LILRA1: variants seen among roughly 807,000 people sequenced by gnomAD.
LILRA1 encodes leukocyte immunoglobulin-like receptor subfamily A member 1.
A neutral mutation model predicts 51.6 loss-of-function variants in LILRA1; 51 were observed. The observed-to-expected ratio is 0.99, with a 90% CI of 0.79 to 1.25. The LOEUF is 1.25. LILRA1 is among the 50% of genes most tolerant of loss of function. The pLI is 0.00. For synonymous variants in LILRA1, 305 were observed against 248.4 expected (o/e 1.23, Z -2.14); for missense variants, 660 against 611.7 (o/e 1.08, Z -0.83).
At position 54,595,193 on chromosome 19, in the gene LILRA1, T is replaced by C. The variant is rs1600263126; in HGVS notation, c.452T>C (p.Phe151Ser). The C allele has an allele frequency of 1.9e-6, 3 of 1,614,088 alleles. No homozygotes were observed. The highest frequency in any genetic ancestry group is 2.5e-6 in the Non-Finnish European group (3 of 1,179,990). The change falls in exon 5 of 10, where the codon TTT (phenylalanine) becomes TCT (serine). Residue 151 changes from phenylalanine (F) to serine (S), a missense_variant. Physicochemically the swap from Phe to Ser is radical, Grantham distance 155. Transcript: ENST00000251372. ...CTCCATTGTGTCTCACAGGTGGCAT[T>C]TGGCAGCTTCATTCTGTGTAAGGAA... is the stretch of plus-strand genomic sequence containing the variant. ...VTLHCVSQVA[F>S]GSFILCKEGE... is the part of the protein sequence containing the mutation.
chr19:54,600,777 T>C lies in LILRA1; in HGVS notation c.1430T>C (p.Ile477Thr). The C allele has an allele frequency of 6.2e-7, 1 of 1,614,128 alleles. No individual in the cohort carries two copies. The highest frequency in any genetic ancestry group is 8.5e-7 in the Non-Finnish European group (1 of 1,180,026). Residue 477 changes from isoleucine (I) to threonine (T), a missense_variant, in exon 10 of 10, where the codon ATT becomes ACT. Transcript: ENST00000251372. ...IAGLVLVVLG[I>T]LLFEAQHSQR... ...GGCTTGGTCCTGGTGGTCCTCGGGATTCTGCTATTTGAGGCTCAGCACAGC... is the reference window on the plus strand; with the variant it reads ...GGCTTGGTCCTGGTGGTCCTCGGGACTCTGCTATTTGAGGCTCAGCACAGC...
chr19:54,594,959 T>G lies in LILRA1; in HGVS notation c.358+7T>G, dbSNP rs572195493. On this transcript the variant is annotated splice_region_variant and intron_variant, in intron 4 of 9. Transcript: ENST00000251372. ...CTGGAGCTGGTGGTGACAGGTGAGC[T>G]GACACTGAGGGCTCCCAGCCCCAGG... 1.5e-5 allele frequency: 24 copies of G among 1,613,660 alleles called. No individual in the cohort carries two copies. The highest frequency in any genetic ancestry group is 3.3e-5 in the Admixed American group (2 of 60,000).
Position 54,594,726 on chromosome 19 carries a change from C to G in LILRA1, c.132C>G (p.Pro44=), listed in dbSNP as rs757712125. The change falls in exon 4 of 10, where the codon CCC becomes CCG. Residue 44 remains proline (P), a synonymous_variant. Transcript: ENST00000251372. ...EPGSVITQGS[P]VTLWCQGILE... The stretch of plus-strand genomic sequence containing the variant: ...GCTCTGTGATCACCCAGGGGAGTCC[C>G]GTGACCCTCTGGTGTCAGGGGATCC... The G allele has an allele frequency of 6.9e-7, 1 of 1,446,334 alleles. No individual in the cohort carries two copies. Among genetic ancestry groups the G allele is most frequent in the Non-Finnish European group, 9.3e-7 (1 of 1,078,686 alleles). 89.6% of individuals were successfully genotyped at this position (1,446,334 alleles called of 1,614,324 possible).
rs149510720 is a variant in LILRA1, at chr19:54,596,194, T to A, written c.964T>A (p.Phe322Ile). ...DPLDILIAGQ[F>I]RGRPFISVHP... The stretch of plus-strand genomic sequence containing the variant: ...CCCATCCTTCTTCTCTCCAGGACAG[T>A]TCCGTGGCAGACCCTTCATCTCGGT... Residue 322 changes from phenylalanine (F) to isoleucine (I), a missense_variant, in exon 7 of 10, where the codon TTC becomes ATC. Transcript: ENST00000251372. 334 of 1,494,486 alleles carry A rather than the reference T, an allele frequency of 2.2e-4. 2 individuals carry two copies. The highest frequency in any genetic ancestry group is 2.1e-3 in the East Asian group (95 of 44,550). The allele number at this position is 1,494,486 out of a possible 1,614,324, so 92.6% of individuals were successfully genotyped here.
At position 54,596,189 on chromosome 19, in the gene LILRA1, G is replaced by T; in HGVS notation, c.959G>T (p.Gly320Val). The T allele has an allele frequency of 6.2e-7, 1 of 1,613,408 alleles. No individual in the cohort carries two copies. Among genetic ancestry groups the T allele is most frequent in the Non-Finnish European group, 8.5e-7 (1 of 1,179,556 alleles). ...TCTCACCCATCCTTCTTCTCTCCAG[G>T]ACAGTTCCGTGGCAGACCCTTCATC... is the stretch of plus-strand genomic sequence containing the variant. ...PSDPLDILIA[G>V]QFRGRPFISV... Residue 320 changes from glycine to valine, a missense_variant and splice_region_variant, in exon 7 of 10, where the codon GGA becomes GTA. By Grantham distance (109) the Gly-to-Val change is moderately radical. Coordinates refer to ENST00000251372, the MANE Select transcript of LILRA1 (RefSeq NM_006863.4).
At chr19:54,600,643 C>T (rs2146089614) in intron 9 of LILRA1, 56 bp from the exon 10 acceptor site, 1 of 1,612,030 alleles carries the variant, frequency 6.2e-7, no homozygotes, top group Non-Finnish European at 8.5e-7. Context: ...ATCCAGAGGT[C>T]CTGGGTGAAG....
In LILRA1 at chr19:54,594,819, G is replaced by A. The variant is rs1396798588; in HGVS notation, c.225G>A (p.Gln75=). The change falls in exon 4 of 10, where the codon CAG becomes CAA. Residue 75 remains glutamine (Q), a synonymous_variant. Coordinates refer to ENST00000251372, the MANE Select transcript of LILRA1 (RefSeq NM_006863.4). ...CACCCTGGATTACACGGATCCCACA[G>A]GAGATTGTGAAGAAGGGCCAGTTCC... is the stretch of plus-strand genomic sequence containing the variant. ...KTAPWITRIP[Q]EIVKKGQFPI... is the part of the protein sequence containing the mutation. 2.5e-6 allele frequency: 4 copies of A among 1,614,146 alleles called. No individual in the cohort carries two copies. Among genetic ancestry groups the A allele is most frequent in the Non-Finnish European group, 3.4e-6 (4 of 1,179,976 alleles).
chr19:54,598,909 C>T (rs781712888), intron 7 of LILRA1, among the ~76,000 whole-genome samples: 104 of 152,246 alleles, frequency 6.8e-4, no homozygotes, highest in Non-Finnish European at 1.2e-3. Context: ...AATTCTCCTG[C>T]CTCAGCCTCC....
Position 54,599,404 on chromosome 19 carries a change from A to T in LILRA1, c.1312+118A>T, listed in dbSNP as rs866692403. The T allele has an allele frequency of 2.2e-5, 31 of 1,386,266 alleles. No individual in the cohort carries two copies. In the African/African-American group the frequency reaches 3.4e-4, roughly 15 times the overall value. 85.9% of individuals were successfully genotyped at this position (1,386,266 alleles called of 1,614,324 possible). A position where few individuals can be genotyped will look rare whatever the true frequency, so the allele number is the denominator to read the frequency against. Reference sequence around the variant, plus strand: ...AATTACATTCATTCTAATTTAAAGAATTCTTCAACACCTTTAATGATTTAT... The same window carrying T: ...AATTACATTCATTCTAATTTAAAGATTTCTTCAACACCTTTAATGATTTAT... On this transcript the variant is annotated intron_variant, in intron 8 of 9. Coordinates refer to ENST00000251372, the MANE Select transcript of LILRA1 (RefSeq NM_006863.4).
At chr19:54,596,078 G>GGC in intron 6 of LILRA1, 111 bp from the exon 7 acceptor site, 2 of 739,532 alleles carry the variant, frequency 2.7e-6, no homozygotes, top group Non-Finnish European at 4.2e-6. Context: ...GCGGGGCGGG[G>GGC]AAGACTCAGA....
intron 9 of LILRA1, 26 bp downstream of exon 9, chr19:54,600,576 C>A (rs375962849): frequency 6.2e-7 from 1 of 1,613,802 alleles, no homozygotes; most frequent in Admixed American, 1.7e-5. Context: ...CTCTCGTTTA[C>A]GGTGCTGGGC....
At chr19:54,596,789 C>A (rs1356449573) in intron 7 of LILRA1, among the ~76,000 whole-genome samples, 1 of 152,038 alleles carries the variant, frequency 6.6e-6, no homozygotes, top group African/African-American at 2.4e-5. Flanking sequence ...ATGGCATGAA[C>A]CTGGGAGGCG....
At position 54,600,840 on chromosome 19, in the gene LILRA1, CAG is replaced by C; in HGVS notation, c.*29_*30del. 1.2e-6 allele frequency: 2 copies of C among 1,612,180 alleles called. No individual in the cohort carries two copies. The highest frequency in any genetic ancestry group is 1.7e-6 in the Non-Finnish European group (2 of 1,178,280). On this transcript the variant is annotated 3_prime_UTR_variant, in exon 10 of 10. Coordinates refer to ENST00000251372, the MANE Select transcript of LILRA1 (RefSeq NM_006863.4). ...TGAGATGCAGCCGGGAGGTGAACAG[CAG>C]AGAGAAGAATGTACCCTTCAGAGTG... is the stretch of plus-strand genomic sequence containing the variant.
rs753845738 is a variant in LILRA1, at chr19:54,595,299, C to T, written c.558C>T (p.Pro186=). Residue 186 remains proline (P), a synonymous_variant, in exon 5 of 10, where the codon CCC becomes CCT. Transcript: ENST00000251372. ...CCCGGGCCATCTTCTCTGTGGGCCC[C>T]GTGAGCCCGAGTCGCAGGTGGTCGT... is the stretch of plus-strand genomic sequence containing the variant. The part of the protein sequence containing the change: ...GWSRAIFSVG[P]VSPSRRWSYR... 1.9e-5 allele frequency: 30 copies of T among 1,613,974 alleles called. No individual in the cohort carries two copies. The highest frequency in any genetic ancestry group is 2.7e-5 in the African/African-American group (2 of 74,906).
chr19:54,600,125 A>T (rs2146087796), intron 8 of LILRA1, among the ~76,000 whole-genome samples: 1 of 152,186 alleles, frequency 6.6e-6, no homozygotes, highest in South Asian at 2.1e-4. Context: ...GCCCCTGCAG[A>T]CCAACCTCCC....
chr19:54,595,732 A>G lies in LILRA1; in HGVS notation c.755A>G (p.Tyr252Cys). ...CTCCAGTGTGTTTCTGATGTCAGCT[A>G]CGACAGATTTGTTCTGTATAAGGAG... ...LTLQCVSDVS[Y>C]DRFVLYKEGE... Residue 252 changes from tyrosine to cysteine, a missense_variant, in exon 6 of 10, where the codon TAC becomes TGC. By Grantham distance (194) the Tyr-to-Cys change is radical. Coordinates refer to ENST00000251372, the MANE Select transcript of LILRA1 (RefSeq NM_006863.4). 2.5e-6 allele frequency: 4 copies of G among 1,614,014 alleles called. No individual in the cohort carries two copies. The highest frequency in any genetic ancestry group is 3.4e-6 in the Non-Finnish European group (4 of 1,179,956).
Position 54,595,146 on chromosome 19 carries a change from G to A in LILRA1, c.405G>A (p.Val135=), listed in dbSNP as rs1260779642. The change falls in exon 5 of 10, where the codon GTG becomes GTA. Residue 135 remains valine, a synonymous_variant. Coordinates refer to ENST00000251372, the MANE Select transcript of LILRA1 (RefSeq NM_006863.4). Reference sequence around the variant, plus strand: ...TCTCAGCTCTACCCAGCCCTGTGGTGACCTCAGGAGGGAACGTGACCCTCC... The same window carrying A: ...TCTCAGCTCTACCCAGCCCTGTGGTAACCTCAGGAGGGAACGTGACCCTCC... The part of the protein sequence containing the change: ...PTLSALPSPV[V]TSGGNVTLHC... 1 of 1,614,106 alleles carries A rather than the reference G, an allele frequency of 6.2e-7. No homozygotes were observed. The highest frequency in any genetic ancestry group is 1.1e-5 in the South Asian group (1 of 91,086).
intron 4 of LILRA1, 34 bp from the exon 5 acceptor site, chr19:54,595,066 G>A: frequency 6.2e-7 from 1 of 1,604,166 alleles, no homozygotes; most frequent in Non-Finnish European, 8.5e-7. Flanking sequence ...GGAGGTGTGA[G>A]CCCCATTTAA....
rs369975962 is a variant in LILRA1 at position 54,595,851 on chromosome 19, G to C, written c.874G>C (p.Gly292Arg). 3 of 1,614,012 alleles carry C rather than the reference G, an allele frequency of 1.9e-6. No homozygotes were observed. In the Admixed American group the frequency reaches 5.0e-5, roughly 27 times the overall value. Residue 292 changes from glycine (G) to arginine (R), a missense_variant, in exon 6 of 10, where the codon GGG becomes CGG. By Grantham distance (125) the Gly-to-Arg change is moderately radical. Coordinates refer to ENST00000251372, the MANE Select transcript of LILRA1 (RefSeq NM_006863.4). ...FTLGPVSRSY[G>R]GQYRCSGAYN... ...CCTGGGCCCTGTGAGCCGCTCCTAC[G>C]GGGGCCAGTACAGATGCTCCGGTGC...
Sources: gnomAD v4.1 joint callset for allele counts (sites outside exome capture counted in the v4.1 genomes callset) on GRCh38, gnomAD v4.1.1 for gene constraint, MANE v1.5 for transcripts, NCBI Gene and HGNC (gene_info 2026-07-23, HGNC 2026-07-21) for gene names.